Variants in TTC6 observed in about 807,000 individuals in gnomAD.
The protein encoded by TTC6 is tetratricopeptide repeat protein 6.
In TTC6, 172 loss-of-function variants were observed where a neutral mutation model predicts 210.4. That is an observed-to-expected ratio of 0.82 (90% CI 0.72 to 0.93). The LOEUF (loss-of-function observed/expected upper bound fraction) is 0.93. Ranked by LOEUF, TTC6 falls within the 40% of genes least tolerant of loss-of-function variation. TTC6 has a pLI of 0.00. For synonymous variants in TTC6, 804 were observed against 819.6 expected, an observed-to-expected ratio of 0.98 and a Z score of 0.32; for missense variants, 2,414 against 2,318.1, an observed-to-expected ratio of 1.04 and a Z score of -0.85.
At chr14:37,822,076 G>A (rs1047875509) in intron 26 of TTC6, among the ~76,000 whole-genome samples, 1 of 152,000 alleles carries the variant, frequency 6.6e-6, no homozygotes, top group Non-Finnish European at 1.5e-5. Context: ...ACCGTGCCCG[G>A]CCAGAGCTAG....
At chr14:37,683,977 C>G (rs972726942) in intron 3 of TTC6, among the ~76,000 whole-genome samples, 9 of 151,998 alleles carry the variant, frequency 5.9e-5, no homozygotes, top group East Asian at 3.9e-4. Context: ...TGGGTAATTC[C>G]TCTACTTCTG....
intron 1 of TTC6, among the ~76,000 whole-genome samples, chr14:37,597,026 A>G (rs1272768500): frequency 6.7e-6 from 1 of 150,112 alleles, no homozygotes; most frequent in Non-Finnish European, 1.5e-5. Flanking sequence ...TTTTTTTTAC[A>G]AAAAGGGTGG....
At chr14:37,713,018 A>G (rs764586995) in intron 5 of TTC6, among the ~76,000 whole-genome samples, 6 of 152,144 alleles carry the variant, frequency 3.9e-5, no homozygotes, top group African/African-American at 1.4e-4. Flanking sequence ...TGTTCCTGAC[A>G]CAGGAAGGCG....
At chr14:37,768,843 A>G (rs1234800139) in intron 14 of TTC6, among the ~76,000 whole-genome samples, 4 of 151,766 alleles carry the variant, frequency 2.6e-5, no homozygotes, top group African/African-American at 9.7e-5. Flanking sequence ...ACTATGTTGA[A>G]TAGGAGTGGT....
chr14:37,735,377 A>G (rs138396400), intron 7 of TTC6, among the ~76,000 whole-genome samples: 336 of 152,300 alleles, frequency 2.2e-3, no homozygotes, highest in African/African-American at 7.8e-3. Flanking sequence ...ACTGATTACA[A>G]GATAGAGAAG....
At chr14:37,622,015 A>C (rs2095651868), upstream of TTC6, 3 of 1,341,160 alleles carry the variant, frequency 2.2e-6, no homozygotes, top group Non-Finnish European at 3.0e-6. Flanking sequence ...ATACGCACAC[A>C]ACATATGTGA....
chr14:37,705,097 A>G (rs1365326934), intron 5 of TTC6, among the ~76,000 whole-genome samples: 1 of 152,074 alleles, frequency 6.6e-6, no homozygotes, highest in Non-Finnish European at 1.5e-5. Flanking sequence ...TCCTACAAAC[A>G]TTGGCTGACC....
At chr14:37,812,251 G>A (rs749580649) in intron 24 of TTC6, 63 bp from the exon 27 acceptor site, 6 of 1,552,502 alleles carry the variant, frequency 3.9e-6, no homozygotes, top group Admixed American at 1.8e-5. Context: ...AAATACGTTT[G>A]TCCATAGCCA....
Position 37,780,265 on chromosome 14 carries a change from G to A in TTC6, c.3267-7203G>A. ...TCAACTTTTAAGTTCAGGGGTACATGTGCCAGATGTTCACATAGGCACATT... is the reference window on the plus strand; with the variant it reads ...TCAACTTTTAAGTTCAGGGGTACATATGCCAGATGTTCACATAGGCACATT... On this transcript the variant is annotated intron_variant, in intron 14 of 30. Coordinates refer to ENST00000553443, the Ensembl canonical transcript of TTC6. Among the ~76,000 whole-genome samples the A allele has an allele frequency of 1.3e-5, 2 of 152,196 alleles. 1 individual carries two copies. The highest frequency in any genetic ancestry group is 2.9e-5 in the Non-Finnish European group (2 of 68,032).
chr14:37,656,500 GGTGTGTGTGTGTGCGTGT>G (rs960694816), intron 1 of TTC6, among the ~76,000 whole-genome samples: 5 of 137,284 alleles, frequency 3.6e-5, no homozygotes, highest in African/African-American at 1.4e-4. Context: ...AACCTAGTCA[GGTGTGTGTGTGTGCGTGT>G]GTGTGTGTGT....
rs988332306 is a variant in TTC6, at chr14:37,708,423, C to A, written c.1572-6232C>A. Among the ~76,000 whole-genome samples, 5 of 151,974 alleles carry A rather than the reference C, an allele frequency of 3.3e-5. No individual in the cohort carries two copies. The East Asian group carries it at 7.7e-4, about 23-fold the overall frequency. ...AACAACTCTATGTAGTAGATAAAAT[C>A]ATTTTATTTCCCAAATAAAAAATAC... On this transcript the variant is annotated intron_variant, in intron 5 of 30. Transcript: ENST00000553443.
intron 14 of TTC6, among the ~76,000 whole-genome samples, chr14:37,781,120 T>G (rs188950756): frequency 6.6e-6 from 1 of 152,204 alleles, no homozygotes; most frequent in Non-Finnish European, 1.5e-5. Flanking sequence ...ATAAAATGAT[T>G]TATAATCCTT....
At chr14:37,738,601 CCACT>C (rs1242258121) in intron 9 of TTC6, among the ~76,000 whole-genome samples, 171 bp from the exon 12 acceptor site, 1 of 151,986 alleles carries the variant, frequency 6.6e-6, no homozygotes, top group Non-Finnish European at 1.5e-5. Context: ...TTGAACTAAC[CCACT>C]ATTAACTTTA....
intron 14 of TTC6, among the ~76,000 whole-genome samples, chr14:37,773,873 T>G (rs2096028657): frequency 6.6e-6 from 1 of 152,200 alleles, no homozygotes; most frequent in South Asian, 2.1e-4. Flanking sequence ...ACAATGTTGA[T>G]TCTTTCTATC....
intron 29 of TTC6, among the ~76,000 whole-genome samples, chr14:37,829,073 A>T (rs559964119): frequency 5.3e-5 from 8 of 152,066 alleles, no homozygotes; most frequent in African/African-American, 1.9e-4. Flanking sequence ...CCTTTGTGTG[A>T]TATGAGGATC....
chr14:37,778,432 C>T (rs2096044709), intron 14 of TTC6, among the ~76,000 whole-genome samples: 1 of 148,780 alleles, frequency 6.7e-6, no homozygotes, highest in Admixed American at 6.7e-5. Flanking sequence ...TGTGTGTCTG[C>T]ACCAACAATG....
chr14:37,604,332 G>T (rs1434154088), intron 1 of TTC6, among the ~76,000 whole-genome samples: 2 of 152,206 alleles, frequency 1.3e-5, no homozygotes, highest in Non-Finnish European at 2.9e-5. Flanking sequence ...ACTGCATCAA[G>T]TTCACATTAA....
intron 2 of TTC6, among the ~76,000 whole-genome samples, chr14:37,610,050 G>A (rs1258168612): frequency 3.3e-5 from 5 of 152,146 alleles, no homozygotes; most frequent in Non-Finnish European, 5.9e-5. Context: ...CTTAGAGGGT[G>A]GATTATGATC....
intron 6 of TTC6, among the ~76,000 whole-genome samples, chr14:37,724,467 T>C (rs1188575657): frequency 6.6e-6 from 1 of 152,222 alleles, no homozygotes; most frequent in Non-Finnish European, 1.5e-5. Context: ...ATAGTGTTTA[T>C]GAGTATACCA....
Sources: allele counts gnomAD v4.1 joint callset (sites outside exome capture counted in the v4.1 genomes callset), GRCh38; gene constraint gnomAD v4.1.1; transcripts MANE v1.5; gene names NCBI Gene and HGNC (gene_info 2026-07-23, HGNC 2026-07-21).